Variants in ZDHHC2 observed in about 807,000 individuals in gnomAD.
The protein encoded by ZDHHC2 is zDHHC palmitoyltransferase 2, also known as palmitoyltransferase ZDHHC2.
In ZDHHC2, 51 loss-of-function variants were observed where a neutral mutation model predicts 55.6. That is an observed-to-expected ratio of 0.92 (90% CI 0.73 to 1.16). The LOEUF is 1.16. Ranked by LOEUF, ZDHHC2 falls within the 50% of genes most tolerant of loss-of-function variation. The pLI is 0.00. For missense variants in ZDHHC2, 491 were observed against 442.4 expected (o/e 1.11, Z -0.99); for synonymous variants, 199 against 152.9 (o/e 1.30, Z -2.22).
At chr8:17,211,176 A>G (rs145331848) in intron 10 of ZDHHC2, among the ~76,000 whole-genome samples, 3 of 152,356 alleles carry the variant, frequency 2.0e-5, no homozygotes, top group African/African-American at 7.2e-5. Context: ...AATGCTATGT[A>G]TGAATTTTCA....
chr8:17,203,878 G>A (rs1806953364), intron 6 of ZDHHC2, among the ~76,000 whole-genome samples: 1 of 147,612 alleles, frequency 6.8e-6, no homozygotes, highest in Non-Finnish European at 1.5e-5. Context: ...CGCAATCTCA[G>A]CTCACTGCAC....
intron 1 of ZDHHC2, among the ~76,000 whole-genome samples, chr8:17,177,868 G>T (rs1189608399): frequency 2.0e-5 from 3 of 152,092 alleles, no homozygotes; most frequent in Admixed American, 6.6e-5. Flanking sequence ...TGAAAAGTTA[G>T]TGTGTATGAG....
chr8:17,202,639 A>C (rs1280405504), intron 6 of ZDHHC2, among the ~76,000 whole-genome samples: 1 of 152,108 alleles, frequency 6.6e-6, no homozygotes, highest in Non-Finnish European at 1.5e-5. Flanking sequence ...AGCAATAGGC[A>C]GTTAAAATGT....
intron 1 of ZDHHC2, among the ~76,000 whole-genome samples, chr8:17,175,797 T>C (rs1805098699): frequency 6.6e-6 from 1 of 152,218 alleles, no homozygotes; most frequent in Non-Finnish European, 1.5e-5. Flanking sequence ...AGACGAATAA[T>C]GTATTGCCAT....
At chr8:17,210,578 A>G in intron 10 of ZDHHC2, 98 bp downstream of exon 10, 1 of 1,037,290 alleles carries the variant, frequency 9.6e-7, no homozygotes, top group Non-Finnish European at 1.4e-6. Flanking sequence ...TGAAGACCAT[A>G]AGAAAATTTA....
intron 6 of ZDHHC2, among the ~76,000 whole-genome samples, chr8:17,199,546 T>G (rs1175750132): frequency 4.9e-5 from 2 of 40,642 alleles, no homozygotes; most frequent in Admixed American, 3.3e-4. Context: ...CTTCGTCTTC[T>G]GTCTTCGTCT....
chr8:17,223,669 A>G lies in ZDHHC2; in HGVS notation c.*3448A>G, dbSNP rs1000122531. The G allele has an allele frequency of 1.3e-5, 2 of 151,830 alleles. No individual in the cohort carries two copies. Among genetic ancestry groups the G allele is most frequent in the Admixed American group, 6.6e-5 (1 of 15,224 alleles). 9.4% of individuals were successfully genotyped at this position (151,830 alleles called of 1,614,324 possible). A position where few individuals can be genotyped will look rare whatever the true frequency, so the allele number is the denominator to read the frequency against. ...TCTACTTTTTATTGCAAGTGTTAGC[A>G]ATATGATCTTGTAACGCCATGAAAA... On this transcript the variant is annotated 3_prime_UTR_variant, in exon 13 of 13. Transcript: ENST00000262096.
In ZDHHC2 at chr8:17,210,435, C is replaced by G; in HGVS notation, c.905C>G (p.Pro302Arg). ...SFPTCLVNQD[P>R]EQASTPAGLN... ...CCAACTTGCCTTGTTAACCAGGATC[C>G]TGAACAAGCATCTACTCCTGCAGGG... Residue 302 changes from proline (P) to arginine (R), a missense_variant, in exon 10 of 13, where the codon CCT becomes CGT. Physicochemically the swap from Pro to Arg is moderately radical, Grantham distance 103. Transcript: ENST00000262096. 1 of 1,613,180 alleles carries G rather than the reference C, an allele frequency of 6.2e-7. No individual in the cohort carries two copies. The highest frequency in any genetic ancestry group is 8.5e-7 in the Non-Finnish European group (1 of 1,179,530).
chr8:17,173,934 C>T (rs577045133), intron 1 of ZDHHC2, among the ~76,000 whole-genome samples: 2 of 152,094 alleles, frequency 1.3e-5, no homozygotes, highest in South Asian at 4.2e-4. Context: ...ACGTGACTTG[C>T]TGTCCTTAAA....
intron 4 of ZDHHC2, among the ~76,000 whole-genome samples, chr8:17,196,927 G>A (rs1806344681): frequency 6.6e-6 from 1 of 151,754 alleles, no homozygotes; most frequent in African/African-American, 2.4e-5. Flanking sequence ...AAAAAAAGAG[G>A]TTTTTATATT....
chr8:17,218,494 A>T (rs1177454442), intron 12 of ZDHHC2, among the ~76,000 whole-genome samples: 2 of 152,208 alleles, frequency 1.3e-5, no homozygotes, highest in African/African-American at 4.8e-5. Context: ...TTACATATTT[A>T]CATGGTAATA....
chr8:17,169,978 T>C (rs1004387828), intron 1 of ZDHHC2, among the ~76,000 whole-genome samples: 3 of 152,236 alleles, frequency 2.0e-5, no homozygotes, highest in African/African-American at 7.2e-5. Flanking sequence ...ATGGAAATCT[T>C]TCAACTGTGG....
chr8:17,187,060 C>T (rs1364077161), intron 3 of ZDHHC2, among the ~76,000 whole-genome samples: 1 of 152,192 alleles, frequency 6.6e-6, no homozygotes, highest in African/African-American at 2.4e-5. Flanking sequence ...GACGTCATTT[C>T]CACTTACATT....
At chr8:17,172,659 G>A (rs1356400380) in intron 1 of ZDHHC2, among the ~76,000 whole-genome samples, 1 of 152,152 alleles carries the variant, frequency 6.6e-6, no homozygotes, top group Non-Finnish European at 1.5e-5. Context: ...ATAAACGTAA[G>A]GATTAAGAGC....
intron 12 of ZDHHC2, among the ~76,000 whole-genome samples, chr8:17,218,654 C>A (rs1276365101): frequency 6.6e-6 from 1 of 152,118 alleles, no homozygotes; most frequent in East Asian, 1.9e-4. Context: ...AATTAAAAAT[C>A]TGACAGAAAC....
intron 10 of ZDHHC2, among the ~76,000 whole-genome samples, chr8:17,213,888 T>C (rs1003330301): frequency 6.6e-6 from 1 of 152,160 alleles, no homozygotes; most frequent in Admixed American, 6.6e-5. Flanking sequence ...TGTGGAGATA[T>C]GCTGTTTTCT....
chr8:17,203,171 T>C (rs970498648), intron 6 of ZDHHC2, among the ~76,000 whole-genome samples: 4 of 151,270 alleles, frequency 2.6e-5, no homozygotes, highest in Non-Finnish European at 5.9e-5. Context: ...GCAGTTCTTC[T>C]ACCACAGCCT....
At chr8:17,169,117 C>A (rs1804737085) in intron 1 of ZDHHC2, among the ~76,000 whole-genome samples, 1 of 152,040 alleles carries the variant, frequency 6.6e-6, no homozygotes, top group African/African-American at 2.4e-5. Flanking sequence ...TTTTCTGGAG[C>A]AGGTGATTTT....
In ZDHHC2 at chr8:17,199,513, TCGTCTTCGTCTTCG is replaced by T. The variant is rs1429701691; in HGVS notation, c.476+1101_476+1114del. On this transcript the variant is annotated intron_variant, in intron 6 of 12. Coordinates refer to ENST00000262096, the MANE Select transcript of ZDHHC2 (RefSeq NM_016353.5). ...TTCTTCTTCTTCTTCTTCTTCTTCT[TCGTCTTCGTCTTCG>T]TCTTCTGTCTTCGTCTTCTGTCTTC... is the stretch of plus-strand genomic sequence containing the variant. 3.5e-3 allele frequency among the ~76,000 whole-genome samples: 133 copies of T among 38,418 alleles called. 4 individuals are homozygous for T. Among genetic ancestry groups the T allele is most frequent in the Non-Finnish European group, 8.8e-3 (111 of 12,600 alleles). The allele number at this position is 38,418 out of a possible 152,430, so 25.2% of individuals were successfully genotyped here.
Sources: allele counts gnomAD v4.1 joint callset (sites outside exome capture counted in the v4.1 genomes callset), GRCh38; gene constraint gnomAD v4.1.1; transcripts MANE v1.5; gene names NCBI Gene and HGNC (gene_info 2026-07-23, HGNC 2026-07-21).